Variants in SERGEF observed in about 807,000 individuals in gnomAD.
SERGEF encodes secretion-regulating guanine nucleotide exchange factor.
A neutral mutation model predicts 50.0 loss-of-function variants in SERGEF; 51 were observed. The ratio of observed to expected loss-of-function variants is 1.02; its 90% CI spans 0.81 to 1.29. SERGEF has a LOEUF of 1.29. Ranked by LOEUF, SERGEF falls within the 50% of genes most tolerant of loss-of-function variation. The pLI is 0.00. For synonymous variants in SERGEF, 205 were observed against 212.4 expected (o/e 0.97, Z 0.30); for missense variants, 521 against 557.0 (o/e 0.94, Z 0.65).
At chr11:17,797,146 T>C (rs527908892) in intron 10 of SERGEF, among the ~76,000 whole-genome samples, 8 of 152,360 alleles carry the variant, frequency 5.3e-5, no homozygotes, top group African/African-American at 1.9e-4. Context: ...CTGCTGCCTC[T>C]GTTTCCCTGT....
At chr11:17,996,175 T>C (rs1322655191) in intron 5 of SERGEF, among the ~76,000 whole-genome samples, 1 of 152,102 alleles carries the variant, frequency 6.6e-6, no homozygotes, top group Non-Finnish European at 1.5e-5. Flanking sequence ...TCCAGGACAC[T>C]CCTTCAGAGT....
chr11:17,802,092 C>A (rs778450917), intron 10 of SERGEF, among the ~76,000 whole-genome samples: 2 of 152,178 alleles, frequency 1.3e-5, no homozygotes, highest in East Asian at 3.9e-4. Context: ...GCTGAGCTGC[C>A]AGGACTGCTG....
intron 10 of SERGEF, chr11:17,856,585 TA>T (rs1256080856): frequency 6.6e-6 from 1 of 152,178 alleles, no homozygotes; most frequent in Non-Finnish European, 1.5e-5. Context: ...CCCAAGTCCT[TA>T]AGCTGCAGAG....
chr11:18,006,798 G>C, intron 2 of SERGEF, 52 bp from the exon 3 acceptor site: 1 of 1,575,892 alleles, frequency 6.3e-7, no homozygotes, highest in Middle Eastern at 1.7e-4. Flanking sequence ...AAACACAACT[G>C]CAAAATGAAC....
chr11:18,000,199 G>A (rs1282226820), intron 5 of SERGEF, among the ~76,000 whole-genome samples: 1 of 152,214 alleles, frequency 6.6e-6, no homozygotes, highest in East Asian at 1.9e-4. Flanking sequence ...TGTAATCCCA[G>A]TACTTTGGAA....
chr11:17,967,339 A>T (rs183382393), intron 8 of SERGEF, among the ~76,000 whole-genome samples: 1 of 152,300 alleles, frequency 6.6e-6, no homozygotes, highest in Admixed American at 6.5e-5. Context: ...TTCAAAAGTG[A>T]ACATTCGCAA....
chr11:17,916,168 T>C (rs1167961796), intron 9 of SERGEF, among the ~76,000 whole-genome samples: 1 of 152,176 alleles, frequency 6.6e-6, no homozygotes, highest in Non-Finnish European at 1.5e-5. Flanking sequence ...CCAAAAGTTA[T>C]ACAGTTGGCA....
intron 8 of SERGEF, among the ~76,000 whole-genome samples, chr11:17,977,318 T>C (rs1853398175): frequency 1.3e-5 from 2 of 152,046 alleles, no homozygotes; most frequent in Non-Finnish European, 2.9e-5. Context: ...AGGTGACATT[T>C]GGACAAGAAC....
intron 10 of SERGEF, among the ~76,000 whole-genome samples, chr11:17,811,332 G>A (rs1001877585): frequency 3.9e-5 from 6 of 152,228 alleles, no homozygotes; most frequent in Admixed American, 6.5e-5. Context: ...CAGGAGAGCA[G>A]CTGGTAGGAT....
intron 10 of SERGEF, among the ~76,000 whole-genome samples, chr11:17,862,160 T>C (rs1309253418): frequency 6.6e-6 from 1 of 152,196 alleles, no homozygotes; most frequent in African/African-American, 2.4e-5. Context: ...TCCATACTTT[T>C]GTTCATGTTG....
chr11:18,002,507 G>T (rs1290922710), intron 4 of SERGEF, among the ~76,000 whole-genome samples: 1 of 152,070 alleles, frequency 6.6e-6, no homozygotes, highest in Non-Finnish European at 1.5e-5. Flanking sequence ...TGCTTACATG[G>T]TTCCTTCTGC....
chr11:17,819,547 A>G (rs983080906), intron 10 of SERGEF, among the ~76,000 whole-genome samples: 1 of 152,262 alleles, frequency 6.6e-6, no homozygotes, highest in African/African-American at 2.4e-5. Context: ...AATGAGAGGC[A>G]GAGCAGGGAT....
chr11:17,896,124 T>C lies in SERGEF; in HGVS notation c.1012-17880A>G, dbSNP rs541017891. ...ATTATTGAAAAAGGGGCTATGAATCTCTTTAAGACAACTATACAATTTGGG... is the reference window on the plus strand; with the variant it reads ...ATTATTGAAAAAGGGGCTATGAATCCCTTTAAGACAACTATACAATTTGGG... On this transcript the variant is annotated intron_variant, in intron 9 of 10. Coordinates refer to ENST00000265965, the MANE Select transcript of SERGEF (RefSeq NM_012139.4). 3.3e-5 allele frequency among the ~76,000 whole-genome samples: 5 copies of C among 152,320 alleles called. No individual in the cohort carries two copies. In the East Asian group the frequency reaches 9.6e-4, roughly 29 times the overall value.
chr11:17,831,361 G>A (rs937272808), intron 10 of SERGEF, among the ~76,000 whole-genome samples: 7 of 152,214 alleles, frequency 4.6e-5, no homozygotes, highest in African/African-American at 1.7e-4. Flanking sequence ...AGCACGGGTT[G>A]CAGGTTGTCT....
chr11:18,007,240 C>G (rs201763172), intron 2 of SERGEF, among the ~76,000 whole-genome samples: 1 of 152,144 alleles, frequency 6.6e-6, no homozygotes, highest in Non-Finnish European at 1.5e-5. Flanking sequence ...TATACCAACA[C>G]AGTTGTAAAA....
intron 1 of SERGEF, among the ~76,000 whole-genome samples, chr11:18,008,517 C>A (rs1854129968): frequency 6.6e-6 from 1 of 151,736 alleles, no homozygotes; most frequent in Non-Finnish European, 1.5e-5. Context: ...AGCAGCAATG[C>A]TAGCCATGGC....
At chr11:17,948,558 T>C in intron 9 of SERGEF, among the ~76,000 whole-genome samples, 1 of 152,196 alleles carries the variant, frequency 6.6e-6, no homozygotes, top group East Asian at 1.9e-4. Flanking sequence ...AAAAAATTAC[T>C]GAATCACCTT....
intron 9 of SERGEF, chr11:17,918,631 C>CACACACACAT (rs1352459907): frequency 1.1e-5 from 4 of 363,484 alleles, no homozygotes; most frequent in Non-Finnish European, 1.6e-5. Context: ...AACAGACACA[C>CACACACACAT]ACACACACAC....
intron 8 of SERGEF, among the ~76,000 whole-genome samples, chr11:17,985,816 C>T (rs566512529): frequency 6.6e-6 from 1 of 152,346 alleles, no homozygotes; most frequent in Non-Finnish European, 1.5e-5. Flanking sequence ...ACTGCCTTAG[C>T]TAAGCACCTA....
Sources: gnomAD v4.1 joint callset for allele counts (sites outside exome capture counted in the v4.1 genomes callset) on GRCh38, gnomAD v4.1.1 for gene constraint, MANE v1.5 for transcripts, NCBI Gene and HGNC (gene_info 2026-07-23, HGNC 2026-07-21) for gene names.